The following MDP1 variants were observed in gnomAD, a reference collection of about 807,000 sequenced individuals.
MDP1 encodes magnesium-dependent phosphatase 1.
In MDP1, 18 loss-of-function variants were observed where a neutral mutation model predicts 21.6. The observed-to-expected ratio is 0.83, with a 90% CI of 0.58 to 1.24. MDP1 has a LOEUF of 1.24. Among genes scored for constraint, MDP1 ranks in the 50% most tolerant of loss-of-function variants. The probability of loss-of-function intolerance (pLI) is 0.00; values close to 1 mark genes in which losing one functional copy is unlikely to be tolerated. For missense variants in MDP1, 207 were observed against 218.6 expected, an observed-to-expected ratio of 0.95 and a Z score of 0.33; for synonymous variants, 101 against 83.2, an observed-to-expected ratio of 1.21 and a Z score of -1.16.
Position 24,214,496 on chromosome 14 carries a change from C to CA in MDP1, c.312dup (p.Glu105Ter), listed in dbSNP as rs1187439948. 9 of 1,614,176 alleles carry CA rather than the reference C, an allele frequency of 5.6e-6. No individual in the cohort carries two copies. Among genetic ancestry groups the CA allele is most frequent in the Non-Finnish European group, 6.8e-6 (8 of 1,180,038 alleles). ...TCCTCCCTTATCTCCGCATACCTCTCAAAGTGTGTGATCTTGCTGCCTGGA... is the reference window on the plus strand; with the variant it reads ...TCCTCCCTTATCTCCGCATACCTCTCAAAAGTGTGTGATCTTGCTGCCTGGA... On this transcript the variant is annotated frameshift_variant, in exon 4 of 6. Coordinates refer to ENST00000288087, the MANE Select transcript of MDP1 (RefSeq NM_138476.4). LOFTEE classifies it high-confidence loss of function.
rs1011731450 is a variant in MDP1, at chr14:24,215,801, C to T, written c.38-4G>A. 146 of 1,614,018 alleles carry T rather than the reference C, an allele frequency of 9.0e-5. 1 individual carries two copies. Among genetic ancestry groups the T allele is most frequent in the Non-Finnish European group, 1.2e-4 (146 of 1,180,032 alleles). The stretch of plus-strand genomic sequence containing the variant: ...CAGAAAGGCCAGAGAGTGTAATCTG[C>T]GAGAGGAAGGAGAGGGAAGGTTCAG... On this transcript the variant is annotated splice_polypyrimidine_tract_variant and splice_region_variant and intron_variant, in intron 1 of 5. Coordinates refer to ENST00000288087, the MANE Select transcript of MDP1 (RefSeq NM_138476.4).
chr14:24,216,011 G>C lies in MDP1; in HGVS notation c.-56C>G. 1 of 1,611,788 alleles carries C rather than the reference G, an allele frequency of 6.2e-7. No individual in the cohort carries two copies. Among genetic ancestry groups the C allele is most frequent in the East Asian group, 2.2e-5 (1 of 44,866 alleles). ...GTGGGGCTTCACCCGGGGCCTTAGA[G>C]AGTGCGGAACCTCCGGCAGCTAAGG... On this transcript the variant is annotated 5_prime_UTR_variant, in exon 1 of 6. Coordinates refer to ENST00000288087, the MANE Select transcript of MDP1 (RefSeq NM_138476.4).
chr14:24,215,075 G>A (rs952037597), intron 3 of MDP1, among the ~76,000 whole-genome samples: 4 of 145,244 alleles, frequency 2.8e-5, no homozygotes, highest in Non-Finnish European at 4.5e-5. Context: ...ACTGTGTCTG[G>A]CCCCACTTTT....
rs375965989 is a variant in MDP1, at chr14:24,215,767, G to A, written c.68C>T (p.Thr23Met). The A allele has an allele frequency of 6.2e-7, 1 of 1,614,202 alleles. No individual in the cohort carries two copies. ...CTTATGGAACGGAGGGTCTACGTGCGTGTCGACCCAGAAAGGCCAGAGAGT... is the reference window on the plus strand; with the variant it reads ...CTTATGGAACGGAGGGTCTACGTGCATGTCGACCCAGAAAGGCCAGAGAGT... ...DYTLWPFWVD[T>M]HVDPPFHKSS... Residue 23 changes from threonine (T) to methionine (M), a missense_variant, in exon 2 of 6, where the codon ACG becomes ATG. Transcript: ENST00000288087.
rs1461122004 is a variant in MDP1, at chr14:24,214,061, AAAGGCCCAGTTTGGGCC to A, written c.477_493del (p.Lys159AsnfsTer6). On this transcript the variant is annotated frameshift_variant, in exon 6 of 6. Transcript: ENST00000288087. LOFTEE classifies it low-confidence loss of function (END_TRUNC). ...TGGGCTCTCCTCAAGGCTGGACCTCAAAGGCCCAGTTTGGGCCTTCGCAAATGTCTCTAACCCTTGAC... is the reference window on the plus strand; with the variant it reads ...TGGGCTCTCCTCAAGGCTGGACCTCATTCGCAAATGTCTCTAACCCTTGAC... 1 of 1,347,186 alleles carries A rather than the reference AAAGGCCCAGTTTGGGCC, an allele frequency of 7.4e-7. No homozygotes were observed. Among genetic ancestry groups the A allele is most frequent in the Non-Finnish European group, 9.7e-7 (1 of 1,034,008 alleles). 83.5% of individuals were successfully genotyped at this position (1,347,186 alleles called of 1,614,324 possible).
chr14:24,214,890 C>T (rs551096220), intron 3 of MDP1, among the ~76,000 whole-genome samples: 3 of 151,956 alleles, frequency 2.0e-5, no homozygotes, highest in African/African-American at 7.2e-5. Context: ...TCAAGTGATC[C>T]TCCCACCTCA....
At chr14:24,215,078 CCA>C (rs2039657107) in intron 3 of MDP1, among the ~76,000 whole-genome samples, 1 of 147,858 alleles carries the variant, frequency 6.8e-6, no homozygotes, top group Non-Finnish European at 1.5e-5. Flanking sequence ...GTGTCTGGCC[CCA>C]CTTTTTTTTT....
At chr14:24,215,110 T>C (rs1383359330) in intron 3 of MDP1, among the ~76,000 whole-genome samples, 1 of 132,600 alleles carries the variant, frequency 7.5e-6, no homozygotes, top group African/African-American at 3.0e-5. Context: ...TTTTGAGACA[T>C]TGTCTCACTC....
Position 24,216,059 on chromosome 14 carries a change from C to T in MDP1, c.-104G>A. The stretch of plus-strand genomic sequence containing the variant: ...AGGCAGCCACCCTGCCTGCCATAGA[C>T]AAATGGCGACTAGAGCGTCGCCACT... On this transcript the variant is annotated 5_prime_UTR_variant, in exon 1 of 6. Transcript: ENST00000288087. The T allele has an allele frequency of 6.8e-7, 1 of 1,478,560 alleles. No individual in the cohort carries two copies. The highest frequency in any genetic ancestry group is 9.3e-7 in the Non-Finnish European group (1 of 1,071,200). The allele number at this position is 1,478,560 out of a possible 1,614,324, so 91.6% of individuals were successfully genotyped here.
At position 24,216,016 on chromosome 14, in the gene MDP1, C is replaced by T; in HGVS notation, c.-61G>A. The stretch of plus-strand genomic sequence containing the variant: ...GCTTCACCCGGGGCCTTAGAGAGTG[C>T]GGAACCTCCGGCAGCTAAGGCAGCC... On this transcript the variant is annotated 5_prime_UTR_variant, in exon 1 of 6. Transcript: ENST00000288087. 1.9e-6 allele frequency: 3 copies of T among 1,607,848 alleles called. No individual in the cohort carries two copies. The highest frequency in any genetic ancestry group is 1.7e-6 in the Non-Finnish European group (2 of 1,176,914).
At chr14:24,215,504 C>A in intron 3 of MDP1, 48 bp downstream of exon 3, 1 of 1,594,944 alleles carries the variant, frequency 6.3e-7, no homozygotes, top group South Asian at 1.1e-5. Flanking sequence ...CTGTCTCTTG[C>A]ATGCACCCTT....
At position 24,214,601 on chromosome 14, in the gene MDP1, T is replaced by G. The variant is rs751032912; in HGVS notation, c.210-2A>C. 2 of 1,614,138 alleles carry G rather than the reference T, an allele frequency of 1.2e-6. No homozygotes were observed. Among genetic ancestry groups the G allele is most frequent in the South Asian group, 2.2e-5 (2 of 91,086 alleles). ...TTGGCCCCTTCTATCTCACTTGTCCTGCAAAACGGTGTAAAAGATGGGATT... is the reference window on the plus strand; with the variant it reads ...TTGGCCCCTTCTATCTCACTTGTCCGGCAAAACGGTGTAAAAGATGGGATT... On this transcript the variant is annotated splice_acceptor_variant, in intron 3 of 5. Coordinates refer to ENST00000288087, the MANE Select transcript of MDP1 (RefSeq NM_138476.4). LOFTEE classifies it high-confidence loss of function.
Position 24,215,723 on chromosome 14 carries a change from T to C in MDP1, c.98+14A>G. On this transcript the variant is annotated intron_variant, in intron 2 of 5. Transcript: ENST00000288087. ...GTCCTATCTCGCCCCCAGTCTTCCC[T>C]GTCCCTACCTCACCTGCTCTTATGG... is the stretch of plus-strand genomic sequence containing the variant. 1.2e-6 allele frequency: 2 copies of C among 1,614,194 alleles called. No homozygotes were observed. Among genetic ancestry groups the C allele is most frequent in the Non-Finnish European group, 1.7e-6 (2 of 1,180,036 alleles).
Position 24,216,004 on chromosome 14 carries a change from C to T in MDP1, c.-49G>A, listed in dbSNP as rs2039691084. On this transcript the variant is annotated 5_prime_UTR_variant, in exon 1 of 6. Transcript: ENST00000288087. ...AGCAGAGGTGGGGCTTCACCCGGGG[C>T]CTTAGAGAGTGCGGAACCTCCGGCA... The T allele has an allele frequency of 1.9e-6, 3 of 1,612,788 alleles. No individual in the cohort carries two copies. Among genetic ancestry groups the T allele is most frequent in the Middle Eastern group, 1.7e-4 (1 of 5,996 alleles).
In MDP1 at chr14:24,215,779, A is replaced by G; in HGVS notation, c.56T>C (p.Phe19Ser). 3 of 1,614,184 alleles carry G rather than the reference A, an allele frequency of 1.9e-6. No homozygotes were observed. Among genetic ancestry groups the G allele is most frequent in the Non-Finnish European group, 2.5e-6 (3 of 1,180,032 alleles). ...AGGGTCTACGTGCGTGTCGACCCAGAAAGGCCAGAGAGTGTAATCTGCGAG... is the reference window on the plus strand; with the variant it reads ...AGGGTCTACGTGCGTGTCGACCCAGGAAGGCCAGAGAGTGTAATCTGCGAG... Reference protein sequence around the residue: ...VFDLDYTLWPFWVDTHVDPPF... With the variant: ...VFDLDYTLWPSWVDTHVDPPF... The change falls in exon 2 of 6, where the codon TTC becomes TCC. Residue 19 changes from phenylalanine (F) to serine (S), a missense_variant. Transcript: ENST00000288087.
intron 3 of MDP1, 45 bp from the exon 4 acceptor site, chr14:24,214,644 G>C (rs2039646091): frequency 1.2e-6 from 2 of 1,603,210 alleles, no homozygotes; most frequent in Non-Finnish European, 1.7e-6. Context: ...TGAAGGGCCA[G>C]GGCTACGTTA....
intron 3 of MDP1, 135 bp downstream of exon 3, chr14:24,215,417 G>A (rs557891163): frequency 9.5e-7 from 1 of 1,049,860 alleles, no homozygotes; most frequent in East Asian, 2.4e-5. Context: ...AAAAGGCACA[G>A]GAGAGCGTTC....
At position 24,215,918 on chromosome 14, in the gene MDP1, C is replaced by A; in HGVS notation, c.37+1G>T. 1 of 1,614,226 alleles carries A rather than the reference C, an allele frequency of 6.2e-7. No homozygotes were observed. The highest frequency in any genetic ancestry group is 8.5e-7 in the Non-Finnish European group (1 of 1,180,042). The stretch of plus-strand genomic sequence containing the variant: ...GAAATTCTCCCCTTCCCGTCCCTCA[C>A]CCAAATCAAAGACTGCCAGCTTCGG... On this transcript the variant is annotated splice_donor_variant, in intron 1 of 5. Transcript: ENST00000288087. LOFTEE classifies it high-confidence loss of function.
At position 24,215,642 on chromosome 14, in the gene MDP1, C is replaced by T; in HGVS notation, c.119G>A (p.Arg40Lys). Residue 40 changes from arginine to lysine, a missense_variant, in exon 3 of 6, where the codon AGG becomes AAG. Coordinates refer to ENST00000288087, the MANE Select transcript of MDP1 (RefSeq NM_138476.4). ...GTACAGTCGGACGTCTTGGCCCCGC[C>T]TATCTCGTACAGTTCCATCACTGGA... ...HKSSDGTVRD[R>K]RGQDVRLYPE... 2 of 1,614,188 alleles carry T rather than the reference C, an allele frequency of 1.2e-6. No individual in the cohort carries two copies. Among genetic ancestry groups the T allele is most frequent in the South Asian group, 2.2e-5 (2 of 91,084 alleles).
Sources: allele counts gnomAD v4.1 joint callset (sites outside exome capture counted in the v4.1 genomes callset), GRCh38; gene constraint gnomAD v4.1.1; transcripts MANE v1.5; gene names NCBI Gene and HGNC (gene_info 2026-07-23, HGNC 2026-07-21).